The following SENP7 variants were observed in gnomAD, a reference collection of about 807,000 sequenced individuals.
The protein encoded by SENP7 is SUMO specific peptidase 7.
Under a neutral mutation model 141.2 loss-of-function variants are expected in SENP7, and 64 were observed. That is an observed-to-expected ratio of 0.45 (90% CI 0.37 to 0.56). The LOEUF is 0.56. Ranked by LOEUF, SENP7 falls within the 20% of genes least tolerant of loss-of-function variation. SENP7 has a pLI of 0.00. For missense variants in SENP7, 1,025 were observed against 1,212.2 expected, an observed-to-expected ratio of 0.85 and a Z score of 2.29; for synonymous variants, 382 against 426.4, an observed-to-expected ratio of 0.90 and a Z score of 1.28.
chr3:101,354,684 G>C lies in SENP7; in HGVS notation c.1624-3033C>G, dbSNP rs73157885. Reference sequence around the variant, plus strand: ...GTTGATTCCATATGTTTCCTATTATGAATAGTGCTGCAATTCACATGTATA... The same window carrying C: ...GTTGATTCCATATGTTTCCTATTATCAATAGTGCTGCAATTCACATGTATA... On this transcript the variant is annotated intron_variant, in intron 11 of 23. Transcript: ENST00000394095. Among the ~76,000 whole-genome samples, 773 of 152,150 alleles carry C rather than the reference G, an allele frequency of 5.1e-3. 4 individuals are homozygous for C. The highest frequency in any genetic ancestry group is 8.0e-3 in the Non-Finnish European group (543 of 67,968).
intron 4 of SENP7, among the ~76,000 whole-genome samples, chr3:101,426,302 G>T (rs186164588): frequency 6.6e-6 from 1 of 152,184 alleles, no homozygotes; most frequent in Admixed American, 6.5e-5. Flanking sequence ...GTTACAGGCA[G>T]CTAAAAAGGT....
rs2058849214 is a variant in SENP7 at position 101,324,267 on chromosome 3, CCT to C, written c.*1674_*1675del. On this transcript the variant is annotated 3_prime_UTR_variant, in exon 24 of 24. Coordinates refer to ENST00000394095, the MANE Select transcript of SENP7 (RefSeq NM_020654.5). ...ATGTTTCTTAAGGAAAAAAATTACA[CCT>C]CAATTTAATGAATTGGAAATATGTT... 1 of 151,968 alleles carries C rather than the reference CCT, an allele frequency of 6.6e-6. No individual in the cohort carries two copies. Among genetic ancestry groups the C allele is most frequent in the East Asian group, 1.9e-4 (1 of 5,188 alleles). The allele number at this position is 151,968 out of a possible 1,614,324, so 9.4% of individuals were successfully genotyped here.
intron 12 of SENP7, 123 bp downstream of exon 12, chr3:101,351,495 A>G: frequency 1.3e-6 from 1 of 750,148 alleles, no homozygotes; most frequent in Non-Finnish European, 1.9e-6. Context: ...ATTATAAAAC[A>G]TTTTTACTCC....
intron 4 of SENP7, among the ~76,000 whole-genome samples, chr3:101,446,246 G>A (rs1298881686): frequency 6.6e-6 from 1 of 152,170 alleles, no homozygotes; most frequent in Non-Finnish European, 1.5e-5. Context: ...ACAGAAGCCT[G>A]GACAGCCTGC....
At chr3:101,478,604 T>G (rs923433545) in intron 3 of SENP7, among the ~76,000 whole-genome samples, 6 of 152,138 alleles carry the variant, frequency 3.9e-5, no homozygotes, top group Non-Finnish European at 8.8e-5. Context: ...TCATTGCCAA[T>G]TTCTACCAAA....
At chr3:101,407,059 A>T (rs2061328137) in intron 5 of SENP7, among the ~76,000 whole-genome samples, 1 of 152,230 alleles carries the variant, frequency 6.6e-6, no homozygotes, top group South Asian at 2.1e-4. Flanking sequence ...AAGAACTGCT[A>T]AAAGGAGCTC....
intron 17 of SENP7, 125 bp downstream of exon 17, chr3:101,337,384 C>A: frequency 1.7e-6 from 1 of 586,506 alleles, no homozygotes; most frequent in Non-Finnish European, 2.8e-6. Flanking sequence ...GCAAACAGAC[C>A]CAGGACCTGA....
chr3:101,340,073 G>C, intron 16 of SENP7, 22 bp downstream of exon 16: 1 of 1,535,940 alleles, frequency 6.5e-7, no homozygotes, highest in African/African-American at 1.4e-5. Flanking sequence ...AAATATGTAG[G>C]ATCATTTATC....
intron 1 of SENP7, among the ~76,000 whole-genome samples, chr3:101,501,348 A>G (rs1452990133): frequency 6.6e-6 from 1 of 150,474 alleles, no homozygotes; most frequent in East Asian, 1.9e-4. Flanking sequence ...AAATATTTAT[A>G]TATATAAATA....
intron 14 of SENP7, 117 bp from the exon 15 acceptor site, chr3:101,341,896 ATACTTT>A (rs1395738014): frequency 9.8e-7 from 1 of 1,019,674 alleles, no homozygotes; most frequent in Non-Finnish European, 1.4e-6. Context: ...AATTATATCT[ATACTTT>A]TAGATTTTCC....
intron 15 of SENP7, 108 bp from the exon 16 acceptor site, chr3:101,340,319 C>A: frequency 7.5e-7 from 1 of 1,333,430 alleles, no homozygotes; most frequent in Non-Finnish European, 1.0e-6. Flanking sequence ...TAACTCAAAT[C>A]TGTAGGGTAA....
chr3:101,437,849 T>C (rs1471690631), intron 4 of SENP7, among the ~76,000 whole-genome samples: 3 of 151,956 alleles, frequency 2.0e-5, no homozygotes, highest in African/African-American at 4.8e-5. Flanking sequence ...ATGCTTAGTA[T>C]CATTTATAAA....
chr3:101,423,011 T>G (rs1373020334), intron 4 of SENP7, among the ~76,000 whole-genome samples: 1 of 152,124 alleles, frequency 6.6e-6, no homozygotes, highest in Non-Finnish European at 1.5e-5. Context: ...AGTCCTACAT[T>G]TTGATTCCGG....
intron 12 of SENP7, among the ~76,000 whole-genome samples, chr3:101,350,666 A>G (rs1357895409): frequency 6.6e-6 from 1 of 152,096 alleles, no homozygotes; most frequent in Non-Finnish European, 1.5e-5. Context: ...TTGTATCGCA[A>G]GAATTTGAGA....
At chr3:101,328,777 T>C in intron 20 of SENP7, 88 bp from the exon 21 acceptor site, 2 of 1,033,008 alleles carry the variant, frequency 1.9e-6, no homozygotes, top group South Asian at 3.0e-5. Flanking sequence ...TTTCAAACTT[T>C]GAAGTTAAAA....
intron 4 of SENP7, among the ~76,000 whole-genome samples, chr3:101,419,067 G>A (rs989057704): frequency 1.3e-5 from 2 of 152,132 alleles, no homozygotes; most frequent in African/African-American, 4.8e-5. Flanking sequence ...TACAGATGTT[G>A]CACTTCTTCT....
At chr3:101,373,822 T>C (rs557464213) in intron 6 of SENP7, among the ~76,000 whole-genome samples, 22 of 152,302 alleles carry the variant, frequency 1.4e-4, no homozygotes, top group Admixed American at 2.6e-4. Flanking sequence ...AAACTGTACA[T>C]GGTGGAAAGT....
rs143115349 is a variant in SENP7, at chr3:101,407,305, C to T, written c.483-8250G>A. The stretch of plus-strand genomic sequence containing the variant: ...TATAAAACAACTACTAATAGACCTA[C>T]GAAATGAGATAGACAGCAACACAGT... On this transcript the variant is annotated intron_variant, in intron 5 of 23. Coordinates refer to ENST00000394095, the MANE Select transcript of SENP7 (RefSeq NM_020654.5). Among the ~76,000 whole-genome samples the T allele has an allele frequency of 3.1e-3, 478 of 152,160 alleles. 5 individuals carry two copies. The highest frequency in any genetic ancestry group is 0.011 in the African/African-American group (443 of 41,518).
chr3:101,413,570 T>C (rs1486224896), intron 5 of SENP7, among the ~76,000 whole-genome samples: 1 of 152,118 alleles, frequency 6.6e-6, no homozygotes, highest in East Asian at 1.9e-4. Flanking sequence ...AAAATATAGT[T>C]CCTATCCTCA....
Sources: gnomAD v4.1 joint callset for allele counts (sites outside exome capture counted in the v4.1 genomes callset) on GRCh38, gnomAD v4.1.1 for gene constraint, MANE v1.5 for transcripts, NCBI Gene and HGNC (gene_info 2026-07-23, HGNC 2026-07-21) for gene names.